The following AGBL3 variants were observed in gnomAD, a reference collection of about 807,000 sequenced individuals.
AGBL3 encodes the protein AGBL carboxypeptidase 3.
Under a neutral mutation model 94.5 loss-of-function variants are expected in AGBL3, and 68 were observed. That is an observed-to-expected ratio of 0.72 (90% CI 0.59 to 0.88). The LOEUF (loss-of-function observed/expected upper bound fraction) is 0.88. Ranked by LOEUF, AGBL3 falls within the 40% of genes least tolerant of loss-of-function variation. The pLI is 0.00. For synonymous variants in AGBL3, 354 were observed against 370.7 expected, an observed-to-expected ratio of 0.95 and a Z score of 0.52; for missense variants, 934 against 1,103.8, an observed-to-expected ratio of 0.85 and a Z score of 2.18.
In AGBL3 at chr7:135,135,273, A is replaced by G; in HGVS notation, c.*12A>G. 1 of 1,491,202 alleles carries G rather than the reference A, an allele frequency of 6.7e-7. No individual in the cohort carries two copies. Among genetic ancestry groups the G allele is most frequent in the Non-Finnish European group, 8.9e-7 (1 of 1,119,582 alleles). 92.4% of individuals were successfully genotyped at this position (1,491,202 alleles called of 1,614,324 possible). ...AAAGGGAGAGTTAATCTAGCTTTATACTGCTCTGAGAACTGTGAATGAAGG... is the reference window on the plus strand; with the variant it reads ...AAAGGGAGAGTTAATCTAGCTTTATGCTGCTCTGAGAACTGTGAATGAAGG... On this transcript the variant is annotated 3_prime_UTR_variant, in exon 17 of 17. Coordinates refer to ENST00000436302, the MANE Select transcript of AGBL3 (RefSeq NM_178563.4).
At chr7:135,076,641 G>C (rs1038961879) in intron 13 of AGBL3, among the ~76,000 whole-genome samples, 173 bp downstream of exon 13, 5 of 152,016 alleles carry the variant, frequency 3.3e-5, no homozygotes, top group Non-Finnish European at 7.4e-5. Context: ...GATGAGAGGT[G>C]GGCCTTATTA....
chr7:135,095,476 T>G (rs1822526235), intron 15 of AGBL3, among the ~76,000 whole-genome samples: 1 of 152,190 alleles, frequency 6.6e-6, no homozygotes, highest in Non-Finnish European at 1.5e-5. Flanking sequence ...CAGCAAACAT[T>G]AAACAGTCCA....
At chr7:135,092,138 C>T (rs1295784220) in intron 15 of AGBL3, among the ~76,000 whole-genome samples, 1 of 152,120 alleles carries the variant, frequency 6.6e-6, no homozygotes, top group Non-Finnish European at 1.5e-5. Flanking sequence ...ATGGAGAGAA[C>T]TCATTCAGAG....
At chr7:135,068,442 C>A (rs1239323042) in intron 12 of AGBL3, among the ~76,000 whole-genome samples, 1 of 152,018 alleles carries the variant, frequency 6.6e-6, no homozygotes, top group Non-Finnish European at 1.5e-5. Context: ...GTCAGATTCA[C>A]CAAAGTTGAA....
At chr7:135,061,061 CTT>C (rs138992892) in intron 12 of AGBL3, among the ~76,000 whole-genome samples, 1 of 148,148 alleles carries the variant, frequency 6.8e-6, no homozygotes. Flanking sequence ...CACTAATTAT[CTT>C]TTTTTTTTTT....
At chr7:135,045,613 C>T (rs1240260231) in intron 10 of AGBL3, 39 bp downstream of exon 10, 2 of 1,498,142 alleles carry the variant, frequency 1.3e-6, no homozygotes, top group Admixed American at 2.0e-5. Context: ...AGACTCCAGC[C>T]TATCAGATAA....
intron 16 of AGBL3, among the ~76,000 whole-genome samples, chr7:135,116,598 TG>T (rs1386582026): frequency 6.6e-6 from 1 of 152,142 alleles, no homozygotes; most frequent in African/African-American, 2.4e-5. Context: ...AATGACACCC[TG>T]GGGGAGGAGA....
At chr7:134,992,100 T>C (rs143301922) in intron 3 of AGBL3, among the ~76,000 whole-genome samples, 3 of 152,372 alleles carry the variant, frequency 2.0e-5, no homozygotes, top group East Asian at 1.9e-4. Context: ...ACTAGAACTC[T>C]TGTTCATTAA....
intron 8 of AGBL3, among the ~76,000 whole-genome samples, chr7:135,038,495 A>G (rs1247306534): frequency 1.3e-5 from 2 of 152,188 alleles, no homozygotes. Flanking sequence ...GTCTATTGAC[A>G]TGCTTCTTAG....
chr7:135,111,647 G>C (rs755051518), intron 15 of AGBL3, among the ~76,000 whole-genome samples: 1 of 151,946 alleles, frequency 6.6e-6, no homozygotes, highest in African/African-American at 2.4e-5. Flanking sequence ...TGTCATATCT[G>C]TGACACTACT....
chr7:135,077,754 A>G (rs550707897), intron 13 of AGBL3, among the ~76,000 whole-genome samples: 2 of 152,010 alleles, frequency 1.3e-5, no homozygotes, highest in Admixed American at 6.6e-5. Flanking sequence ...TAAAACGTTC[A>G]CATACCAGTT....
intron 4 of AGBL3, chr7:135,009,915 A>T (rs928730951): frequency 5.7e-6 from 2 of 352,456 alleles, no homozygotes; most frequent in Non-Finnish European, 1.1e-5. Context: ...CTTTTCGCAG[A>T]CTTTGGAGCA....
chr7:135,026,495 G>A (rs1160900479), intron 5 of AGBL3, among the ~76,000 whole-genome samples: 4 of 151,134 alleles, frequency 2.6e-5, no homozygotes, highest in African/African-American at 7.3e-5. Context: ...GGGTGGTCTC[G>A]AACTCCTGAC....
At chr7:135,043,998 G>C in intron 8 of AGBL3, 27 bp from the exon 9 acceptor site, 1 of 1,540,378 alleles carries the variant, frequency 6.5e-7, no homozygotes, top group South Asian at 1.2e-5. Context: ...AGAACAACGA[G>C]TCTCATTTTT....
At chr7:135,081,110 C>T (rs1820887511) in intron 14 of AGBL3, among the ~76,000 whole-genome samples, 1 of 151,850 alleles carries the variant, frequency 6.6e-6, no homozygotes, top group Admixed American at 6.6e-5. Context: ...TAATGGTCAG[C>T]TAGGCATATT....
intron 14 of AGBL3, among the ~76,000 whole-genome samples, chr7:135,081,202 G>A (rs1489351142): frequency 1.3e-5 from 2 of 151,936 alleles, no homozygotes; most frequent in African/African-American, 2.4e-5. Context: ...ATAAGCAAAA[G>A]AAAGTAAACA....
chr7:135,084,395 T>C (rs1821167955), intron 15 of AGBL3, among the ~76,000 whole-genome samples: 2 of 152,296 alleles, frequency 1.3e-5, no homozygotes, highest in South Asian at 4.1e-4. Context: ...AATAAATTGT[T>C]AATTATACTC....
intron 11 of AGBL3, among the ~76,000 whole-genome samples, chr7:135,058,319 T>C (rs1818514291): frequency 1.3e-5 from 2 of 152,154 alleles, no homozygotes; most frequent in South Asian, 2.1e-4. Context: ...AAATATTTTC[T>C]TTCTTGTATT....
intron 11 of AGBL3, among the ~76,000 whole-genome samples, chr7:135,047,239 CTTT>C (rs1388474734): frequency 6.6e-6 from 1 of 151,926 alleles, no homozygotes; most frequent in Non-Finnish European, 1.5e-5. Flanking sequence ...GAATTTCCTT[CTTT>C]TTTAAAGCTG....
Sources: gnomAD v4.1 joint callset for allele counts (sites outside exome capture counted in the v4.1 genomes callset) on GRCh38, gnomAD v4.1.1 for gene constraint, MANE v1.5 for transcripts, NCBI Gene and HGNC (gene_info 2026-07-23, HGNC 2026-07-21) for gene names.